The following SKIL variants were observed in gnomAD, a reference collection of about 807,000 sequenced individuals.
SKIL encodes the protein ski-like protein.
In SKIL, 20 loss-of-function variants were observed where a neutral mutation model predicts 69.6. The ratio of observed to expected loss-of-function variants is 0.29; its 90% CI spans 0.20 to 0.42. The LOEUF (loss-of-function observed/expected upper bound fraction) is 0.42, where lower values mean the gene tolerates loss of function less well. SKIL is among the 10% of genes least tolerant of loss of function. The probability of loss-of-function intolerance (pLI) is 1.00; values close to 1 mark genes in which losing one functional copy is unlikely to be tolerated. For missense variants in SKIL, 745 were observed against 783.1 expected (o/e 0.95, Z 0.58); for synonymous variants, 310 against 279.9 (o/e 1.11, Z -1.08).
chr3:170,365,751 G>GATTTTTTTTTTTTT (rs1560207824), intron 2 of SKIL, among the ~76,000 whole-genome samples: 1 of 92,444 alleles, frequency 1.1e-5, no homozygotes, highest in African/African-American at 5.3e-5. Flanking sequence ...GTCAAACTAG[G>GATTTTTTTTTTTTT]CTTTTTTTTT....
chr3:170,378,594 C>CAGGTTGGA (rs1737161436), intron 2 of SKIL, among the ~76,000 whole-genome samples: 2 of 124,696 alleles, frequency 1.6e-5, no homozygotes, highest in African/African-American at 5.8e-5. Flanking sequence ...CTCTGTCACC[C>CAGGTTGGA]AGGTTGGAGT....
At position 170,359,798 on chromosome 3, in the gene SKIL, C is replaced by G. The variant is rs922899086; in HGVS notation, c.-534C>G. 2.6e-5 allele frequency: 4 copies of G among 152,354 alleles called. No homozygotes were observed. Among genetic ancestry groups the G allele is most frequent in the African/African-American group, 9.7e-5 (4 of 41,412 alleles). The allele number at this position is 152,354 out of a possible 1,614,324, so 9.4% of individuals were successfully genotyped here. ...TGGTGTGAGGATTTACACACGTCTT[C>G]AGTTTTTCAGCACAGACCAGCAGAC... On this transcript the variant is annotated 5_prime_UTR_variant, in exon 2 of 7. Transcript: ENST00000259119.
chr3:170,384,567 C>G lies in SKIL; in HGVS notation c.1231C>G (p.Pro411Ala), dbSNP rs748239013. The part of the protein sequence containing the change: ...YLYMCDKVVA[P>A]NVSLTSAVSQ... ...ATACATGTGTGATAAAGTGGTTGCC[C>G]CAAATGTGTCACTTACTTCTGCTGT... Residue 411 changes from proline to alanine, a missense_variant, in exon 4 of 7, where the codon CCA becomes GCA. Physicochemically the swap from Pro to Ala is conservative, Grantham distance 27 (BLOSUM62 -1). Coordinates refer to ENST00000259119, the MANE Select transcript of SKIL (RefSeq NM_005414.5). 5 of 1,609,954 alleles carry G rather than the reference C, an allele frequency of 3.1e-6. No homozygotes were observed. The highest frequency in any genetic ancestry group is 4.2e-6 in the Non-Finnish European group (5 of 1,177,474).
chr3:170,384,122 G>T (rs921373470), intron 3 of SKIL, among the ~76,000 whole-genome samples: 8 of 151,632 alleles, frequency 5.3e-5, no homozygotes, highest in African/African-American at 1.9e-4. Context: ...AGTTGGAGGT[G>T]GGAGGGTATC....
In SKIL at chr3:170,360,188, A is replaced by G; in HGVS notation, c.-144A>G. On this transcript the variant is annotated 5_prime_UTR_variant, in exon 2 of 7. Coordinates refer to ENST00000259119, the MANE Select transcript of SKIL (RefSeq NM_005414.5). ...GAACCAAAACTAAGTCGCAAAATTT[A>G]TTAATTTAAGGGGCTCTCGCTTTGA... The G allele has an allele frequency of 2.6e-6, 2 of 770,600 alleles. No homozygotes were observed. The highest frequency in any genetic ancestry group is 4.1e-6 in the Non-Finnish European group (2 of 491,286). The allele number at this position is 770,600 out of a possible 1,614,324, so 47.7% of individuals were successfully genotyped here.
intron 3 of SKIL, among the ~76,000 whole-genome samples, chr3:170,382,439 A>G (rs1042093549): frequency 1.3e-5 from 2 of 149,042 alleles, no homozygotes; most frequent in African/African-American, 5.0e-5. Flanking sequence ...TTTTGAGACA[A>G]AGTCTCACTG....
chr3:170,362,434 G>A (rs1301504856), intron 2 of SKIL, among the ~76,000 whole-genome samples: 1 of 152,118 alleles, frequency 6.6e-6, no homozygotes, highest in African/African-American at 2.4e-5. Flanking sequence ...CCCCGGAGGC[G>A]GAGGTTGTAG....
rs1736216017 is a variant in SKIL, at chr3:170,361,235, A to C, written c.904A>C (p.Thr302Pro). Residue 302 changes from threonine (T) to proline (P), a missense_variant, in exon 2 of 7, where the codon ACG becomes CCG. Coordinates refer to ENST00000259119, the MANE Select transcript of SKIL (RefSeq NM_005414.5). ...LECCGMFAPQ[T>P]FVMHSHRSPD... The stretch of plus-strand genomic sequence containing the variant: ...GTGTTGTGGAATGTTTGCACCCCAG[A>C]CGTTTGTGATGCATTCTCACAGATC... The C allele has an allele frequency of 6.2e-7, 1 of 1,614,194 alleles. No homozygotes were observed. Among genetic ancestry groups the C allele is most frequent in the South Asian group, 1.1e-5 (1 of 91,078 alleles).
chr3:170,379,687 A>G (rs1256568628), intron 2 of SKIL, among the ~76,000 whole-genome samples: 1 of 152,056 alleles, frequency 6.6e-6, no homozygotes, highest in Non-Finnish European at 1.5e-5. Flanking sequence ...TCTGTTGCCC[A>G]GGCTGGAGTG....
chr3:170,377,113 T>A (rs1045154007), intron 2 of SKIL, among the ~76,000 whole-genome samples: 5 of 152,202 alleles, frequency 3.3e-5, no homozygotes, highest in African/African-American at 1.2e-4. Flanking sequence ...GTTCCCTTTC[T>A]TACTGCTATA....
Position 170,360,425 on chromosome 3 carries a change from A to G in SKIL, c.94A>G (p.Met32Val), listed in dbSNP as rs1736165481. The change falls in exon 2 of 7, where the codon ATG (methionine) becomes GTG (valine). Residue 32 changes from methionine to valine, a missense_variant. Met to Val is a conservative substitution (Grantham distance 21). Transcript: ENST00000259119. Reference sequence around the variant, plus strand: ...TGATGGCAGCCCCCCAGCGAAAAAAATGATAACGGACATTCATGCAAATGG... The same window carrying G: ...TGATGGCAGCCCCCCAGCGAAAAAAGTGATAACGGACATTCATGCAAATGG... ...GDDGSPPAKK[M>V]ITDIHANGKT... 6.2e-7 allele frequency: 1 copy of G among 1,613,716 alleles called. No homozygotes were observed. Among genetic ancestry groups the G allele is most frequent in the Admixed American group, 1.7e-5 (1 of 59,958 alleles).
chr3:170,378,728 A>G (rs1303212292), intron 2 of SKIL, among the ~76,000 whole-genome samples: 2 of 151,246 alleles, frequency 1.3e-5, no homozygotes, highest in African/African-American at 4.9e-5. Context: ...ATTTTTGTAG[A>G]AACGGCGTTT....
At position 170,360,975 on chromosome 3, in the gene SKIL, C is replaced by T; in HGVS notation, c.644C>T (p.Ala215Val). The change falls in exon 2 of 7, where the codon GCC (alanine) becomes GTC (valine). Residue 215 changes from alanine to valine, a missense_variant. Coordinates refer to ENST00000259119, the MANE Select transcript of SKIL (RefSeq NM_005414.5). Reference protein sequence around the residue: ...LKVLGILPFNAPSCGLITLTD... With the variant: ...LKVLGILPFNVPSCGLITLTD... Reference sequence around the variant, plus strand: ...GTACTGGGCATACTTCCATTCAATGCCCCATCCTGTGGGCTGATTACATTA... The same window carrying T: ...GTACTGGGCATACTTCCATTCAATGTCCCATCCTGTGGGCTGATTACATTA... 1 of 1,614,168 alleles carries T rather than the reference C, an allele frequency of 6.2e-7. No homozygotes were observed. The highest frequency in any genetic ancestry group is 8.5e-7 in the Non-Finnish European group (1 of 1,180,016).
At chr3:170,378,549 C>CTTT (rs1334169886) in intron 2 of SKIL, among the ~76,000 whole-genome samples, 139 of 55,478 alleles carry the variant, frequency 2.5e-3, no homozygotes, top group Middle Eastern at 0.019. Flanking sequence ...CTCTCTCTCT[C>CTTT]TCTCTTTTTT....
At chr3:170,377,746 G>C (rs1256458371) in intron 2 of SKIL, among the ~76,000 whole-genome samples, 1 of 150,066 alleles carries the variant, frequency 6.7e-6, no homozygotes, top group Non-Finnish European at 1.5e-5. Flanking sequence ...AGTAGAGACG[G>C]GGTTTCACCA....
intron 4 of SKIL, among the ~76,000 whole-genome samples, chr3:170,387,661 C>T (rs1174494671): frequency 4.7e-5 from 7 of 150,172 alleles, no homozygotes; most frequent in South Asian, 2.1e-4. Context: ...CGGTGGCTCA[C>T]GCCTGTAATC....
intron 3 of SKIL, among the ~76,000 whole-genome samples, chr3:170,381,895 C>T (rs1022666064): frequency 1.3e-5 from 2 of 151,800 alleles, no homozygotes; most frequent in Admixed American, 6.6e-5. Flanking sequence ...TCCTGGCTAA[C>T]ACAGTGAAAC....
In SKIL at chr3:170,395,753, T is replaced by G. The variant is rs1348162918; in HGVS notation, c.*3336T>G. On this transcript the variant is annotated 3_prime_UTR_variant, in exon 7 of 7. Coordinates refer to ENST00000259119, the MANE Select transcript of SKIL (RefSeq NM_005414.5). ...TTTTATTTGCCCTTTATGCATTTAA[T>G]CCACATGATAGGACATTAAAAATTA... is the stretch of plus-strand genomic sequence containing the variant. The G allele has an allele frequency of 6.6e-6, 1 of 152,222 alleles. No homozygotes were observed. The highest frequency in any genetic ancestry group is 6.5e-5 in the Admixed American group (1 of 15,298). 9.4% of individuals were successfully genotyped at this position (152,222 alleles called of 1,614,324 possible). A position where few individuals can be genotyped will look rare whatever the true frequency, so the allele number is the denominator to read the frequency against.
At chr3:170,369,646 C>G (rs973424333) in intron 2 of SKIL, among the ~76,000 whole-genome samples, 1 of 152,092 alleles carries the variant, frequency 6.6e-6, no homozygotes, top group African/African-American at 2.4e-5. Context: ...AGGTGATCTG[C>G]CTGTCTCAGC....
Sources: allele counts gnomAD v4.1 joint callset (sites outside exome capture counted in the v4.1 genomes callset), GRCh38; gene constraint gnomAD v4.1.1; transcripts MANE v1.5; gene names NCBI Gene and HGNC (gene_info 2026-07-23, HGNC 2026-07-21).